The following GALNTL5 variants were observed in gnomAD, a reference collection of about 807,000 sequenced individuals.
GALNTL5 encodes the protein inactive polypeptide N-acetylgalactosaminyltransferase-like protein 5.
A neutral mutation model predicts 51.0 loss-of-function variants in GALNTL5; 44 were observed. The observed-to-expected ratio is 0.86, with a 90% CI of 0.68 to 1.11. The LOEUF is 1.11. Ranked by LOEUF, GALNTL5 falls within the 50% of genes least tolerant of loss-of-function variation. The pLI, the probability that GALNTL5 is intolerant of heterozygous loss-of-function variation, is 0.00. For synonymous variants in GALNTL5, 192 were observed against 182.8 expected, an observed-to-expected ratio of 1.05 and a Z score of -0.41; for missense variants, 528 against 531.8, an observed-to-expected ratio of 0.99 and a Z score of 0.07.
At chr7:151,976,305 A>G (rs2081204072) in intron 3 of GALNTL5, among the ~76,000 whole-genome samples, 1 of 152,186 alleles carries the variant, frequency 6.6e-6, no homozygotes, top group South Asian at 2.1e-4. Context: ...TCTTGGTATT[A>G]TATTACCAAC....
intron 1 of GALNTL5, among the ~76,000 whole-genome samples, chr7:151,966,667 T>C (rs1357468724): frequency 1.3e-5 from 2 of 152,266 alleles, no homozygotes; most frequent in African/African-American, 4.8e-5. Flanking sequence ...CTTATGAGTC[T>C]CTTTAGGATA....
chr7:151,970,182 G>A (rs1351664611), intron 2 of GALNTL5, among the ~76,000 whole-genome samples: 2 of 148,048 alleles, frequency 1.4e-5, no homozygotes, highest in African/African-American at 2.5e-5. Context: ...CCTGGCCGCT[G>A]GGTGAAAGGG....
chr7:151,993,258 C>A (rs1299894410), intron 5 of GALNTL5, among the ~76,000 whole-genome samples: 1 of 150,410 alleles, frequency 6.6e-6, no homozygotes, highest in Non-Finnish European at 1.5e-5. Context: ...AAGGAAGATG[C>A]GTTTATGATT....
chr7:152,019,632 A>C lies in GALNTL5; in HGVS notation c.1177-14A>C. 1 of 1,607,704 alleles carries C rather than the reference A, an allele frequency of 6.2e-7. No homozygotes were observed. Among genetic ancestry groups the C allele is most frequent in the Non-Finnish European group, 8.5e-7 (1 of 1,175,370 alleles). ...TTGGTTGAACGTAACGACTGACTCT[A>C]TATTTTCATTTAGGAGCAGTTTTTT... On this transcript the variant is annotated splice_polypyrimidine_tract_variant and intron_variant, in intron 8 of 8. Transcript: ENST00000392800.
At chr7:151,980,329 C>G (rs917851971) in intron 3 of GALNTL5, among the ~76,000 whole-genome samples, 7 of 152,162 alleles carry the variant, frequency 4.6e-5, no homozygotes, top group African/African-American at 1.7e-4. Context: ...GGTGATCTGC[C>G]CGCCTTGGCC....
intron 3 of GALNTL5, among the ~76,000 whole-genome samples, chr7:151,975,403 A>G (rs912180139): frequency 3.3e-5 from 5 of 151,982 alleles, no homozygotes; most frequent in African/African-American, 9.7e-5. Context: ...TTTCTGTGAT[A>G]TCAATTATGT....
Position 152,014,749 on chromosome 7 carries a change from C to T in GALNTL5, c.1132C>T (p.His378Tyr), listed in dbSNP as rs1440624507. 3 of 1,613,630 alleles carry T rather than the reference C, an allele frequency of 1.9e-6. No individual in the cohort carries two copies. Among genetic ancestry groups the T allele is most frequent in the Non-Finnish European group, 2.5e-6 (3 of 1,179,870 alleles). The change falls in exon 8 of 9, where the codon CAT (histidine) becomes TAT (tyrosine). Residue 378 changes from histidine to tyrosine, a missense_variant. Physicochemically the swap from His to Tyr is moderately conservative, Grantham distance 83. Coordinates refer to ENST00000392800, the MANE Select transcript of GALNTL5 (RefSeq NM_145292.4). ...TTCTACAATCATCAGTGCTATGACACATAACTACCTAAGACTGGTGCACGT... is the reference window on the plus strand; with the variant it reads ...TTCTACAATCATCAGTGCTATGACATATAACTACCTAAGACTGGTGCACGT... ...KPSTIISAMT[H>Y]NYLRLVHVWL...
intron 1 of GALNTL5, chr7:151,960,090 T>A (rs901559384): frequency 6.6e-6 from 1 of 152,212 alleles, no homozygotes; most frequent in Non-Finnish European, 1.5e-5. Flanking sequence ...GGAAATGAGA[T>A]CCTTCATATG....
At chr7:151,966,047 A>G (rs190112367) in intron 1 of GALNTL5, among the ~76,000 whole-genome samples, 2 of 152,252 alleles carry the variant, frequency 1.3e-5, no homozygotes, top group Non-Finnish European at 2.9e-5. Context: ...CATTTGCTAC[A>G]TATTGGTGTA....
chr7:151,997,209 A>G (rs925331172), intron 5 of GALNTL5, among the ~76,000 whole-genome samples: 8 of 152,216 alleles, frequency 5.3e-5, no homozygotes, highest in African/African-American at 1.9e-4. Context: ...GAATTCCTCT[A>G]TCAGGCAGGC....
At chr7:151,982,507 G>A (rs2081306020) in intron 3 of GALNTL5, among the ~76,000 whole-genome samples, 2 of 151,654 alleles carry the variant, frequency 1.3e-5, no homozygotes, top group African/African-American at 4.8e-5. Context: ...CTTTTTTGTT[G>A]CGACAGACTC....
intron 1 of GALNTL5, among the ~76,000 whole-genome samples, chr7:151,960,937 G>T (rs541922136): frequency 8.5e-5 from 13 of 152,324 alleles, no homozygotes; most frequent in African/African-American, 3.1e-4. Flanking sequence ...CCATGGAATT[G>T]CTCTGGATAC....
At chr7:152,005,069 C>T (rs933438951) in intron 6 of GALNTL5, among the ~76,000 whole-genome samples, 1 of 152,172 alleles carries the variant, frequency 6.6e-6, no homozygotes, top group African/African-American at 2.4e-5. Flanking sequence ...ACATTCCTAC[C>T]AACACTGTGC....
chr7:151,989,789 CCTTTT>C (rs1228939161), intron 5 of GALNTL5, among the ~76,000 whole-genome samples: 1 of 152,110 alleles, frequency 6.6e-6, no homozygotes, highest in African/African-American at 2.4e-5. Flanking sequence ...AAATAGGCTA[CCTTTT>C]CTTTTCTTGG....
At chr7:152,017,907 G>A (rs1487831985) in intron 8 of GALNTL5, among the ~76,000 whole-genome samples, 1 of 151,784 alleles carries the variant, frequency 6.6e-6, no homozygotes, top group Admixed American at 6.6e-5. Context: ...GTGCGGTGAT[G>A]CAATCTCGGC....
chr7:152,000,958 T>G (rs932272759), intron 5 of GALNTL5, among the ~76,000 whole-genome samples: 6 of 148,378 alleles, frequency 4.0e-5, no homozygotes, highest in Middle Eastern at 7.1e-3. Context: ...CAGGCTGGAG[T>G]GCAGTGGCAC....
intron 5 of GALNTL5, among the ~76,000 whole-genome samples, chr7:152,000,628 G>A (rs2081563454): frequency 1.3e-5 from 2 of 152,104 alleles, no homozygotes; most frequent in South Asian, 4.1e-4. Flanking sequence ...GGATGTAAAG[G>A]GATACCTCAC....
chr7:152,019,408 A>G (rs1274915736), intron 8 of GALNTL5, among the ~76,000 whole-genome samples: 1 of 152,228 alleles, frequency 6.6e-6, no homozygotes, highest in Non-Finnish European at 1.5e-5. Context: ...AGCAGGACCC[A>G]GTCTTCCTGG....
chr7:152,007,413 CTTTTTT>C (rs34271081), intron 6 of GALNTL5, among the ~76,000 whole-genome samples: 1 of 109,954 alleles, frequency 9.1e-6, no homozygotes, highest in South Asian at 2.8e-4. Flanking sequence ...AATGTTTTCT[CTTTTTT>C]TTTTTTTTTT....
Sources: allele counts gnomAD v4.1 joint callset (sites outside exome capture counted in the v4.1 genomes callset), GRCh38; gene constraint gnomAD v4.1.1; transcripts MANE v1.5; gene names NCBI Gene and HGNC (gene_info 2026-07-23, HGNC 2026-07-21).